PTPRR: variants seen among roughly 807,000 people sequenced by gnomAD.
The protein encoded by PTPRR is receptor-type tyrosine-protein phosphatase R.
A neutral mutation model predicts 77.2 loss-of-function variants in PTPRR; 38 were observed. The observed-to-expected ratio is 0.49, with a 90% CI of 0.38 to 0.65. The LOEUF is 0.65. Among genes scored for constraint, PTPRR ranks in the 30% least tolerant of loss-of-function variants. The pLI, the probability that PTPRR is intolerant of heterozygous loss-of-function variation, is 0.00. For synonymous variants in PTPRR, 299 were observed against 283.1 expected (o/e 1.06, Z -0.57); for missense variants, 744 against 799.2 (o/e 0.93, Z 0.83).
chr12:70,658,190 A>G (rs1051209733), intron 12 of PTPRR, among the ~76,000 whole-genome samples: 1 of 152,022 alleles, frequency 6.6e-6, no homozygotes, highest in African/African-American at 2.4e-5. Context: ...TGGTTTTCCA[A>G]TTTTTCTGTG....
At chr12:70,677,523 C>T (rs1386457957) in intron 10 of PTPRR, among the ~76,000 whole-genome samples, 1 of 152,128 alleles carries the variant, frequency 6.6e-6, no homozygotes, top group Non-Finnish European at 1.5e-5. Flanking sequence ...TTTCCACATT[C>T]AATATGATGT....
intron 2 of PTPRR, among the ~76,000 whole-genome samples, chr12:70,787,573 CT>C (rs1240327610): frequency 2.6e-5 from 4 of 151,426 alleles, no homozygotes; most frequent in Non-Finnish European, 4.4e-5. Context: ...ACTAAAAAAA[CT>C]TTCCTTTCCC....
intron 2 of PTPRR, among the ~76,000 whole-genome samples, chr12:70,840,237 C>T (rs754876907): frequency 1.3e-5 from 2 of 152,016 alleles, no homozygotes; most frequent in African/African-American, 2.4e-5. Flanking sequence ...TACAGGTTAT[C>T]GTGTTTCTTG....
chr12:70,845,589 G>C (rs1239221881), intron 2 of PTPRR, among the ~76,000 whole-genome samples: 2 of 151,896 alleles, frequency 1.3e-5, no homozygotes, highest in African/African-American at 2.4e-5. Flanking sequence ...CCAGCTCTCC[G>C]TATTTTTAAA....
chr12:70,846,142 A>G (rs1304902086), intron 2 of PTPRR, among the ~76,000 whole-genome samples: 1 of 152,224 alleles, frequency 6.6e-6, no homozygotes, highest in East Asian at 1.9e-4. Flanking sequence ...AAAGTAGAAA[A>G]CAAATTAGTT....
At position 70,833,423 on chromosome 12, in the gene PTPRR, G is replaced by A. The variant is rs74102021; in HGVS notation, c.357+59256C>T. Among the ~76,000 whole-genome samples, 1,481 of 152,222 alleles carry A rather than the reference G, an allele frequency of 9.7e-3. 26 individuals are homozygous for A. Among genetic ancestry groups the A allele is most frequent in the African/African-American group, 0.033 (1,384 of 41,532 alleles). ...TCAGTGTTTGATTAGTTTTGTGCTT[G>A]TTAGACAGCCAGGTGGGCTGGAGAA... On this transcript the variant is annotated intron_variant, in intron 2 of 13. Transcript: ENST00000283228.
chr12:70,897,014 G>A (rs1410747372), intron 1 of PTPRR, among the ~76,000 whole-genome samples: 1 of 151,820 alleles, frequency 6.6e-6, no homozygotes, highest in Admixed American at 6.6e-5. Flanking sequence ...GGTTACTGTA[G>A]CCTTGTAGTA....
chr12:70,733,323 C>T (rs1889727843), intron 6 of PTPRR, among the ~76,000 whole-genome samples: 1 of 149,514 alleles, frequency 6.7e-6, no homozygotes, highest in South Asian at 2.1e-4. Flanking sequence ...AAAGCTGTTT[C>T]ATCACTACAC....
chr12:70,714,306 G>A (rs1226467435), intron 6 of PTPRR, among the ~76,000 whole-genome samples: 1 of 151,892 alleles, frequency 6.6e-6, no homozygotes. Flanking sequence ...TTCAAATAAT[G>A]CAGAAGGAAG....
intron 2 of PTPRR, among the ~76,000 whole-genome samples, chr12:70,891,457 A>G (rs2137116028): frequency 6.6e-6 from 1 of 152,278 alleles, no homozygotes; most frequent in Admixed American, 6.5e-5. Flanking sequence ...TTTCACCTTC[A>G]GAACATCTGC....
At chr12:70,875,622 C>A (rs1893037844) in intron 2 of PTPRR, among the ~76,000 whole-genome samples, 1 of 146,426 alleles carries the variant, frequency 6.8e-6, no homozygotes, top group African/African-American at 2.5e-5. Context: ...GTAAGAATGA[C>A]TGGGATTTAT....
chr12:70,769,853 C>A (rs1194114926), intron 2 of PTPRR, among the ~76,000 whole-genome samples: 2 of 151,982 alleles, frequency 1.3e-5, no homozygotes, highest in East Asian at 1.9e-4. Context: ...AGAAATAACG[C>A]CGCATATCTA....
intron 4 of PTPRR, chr12:70,754,569 C>T (rs1890510656): frequency 1.9e-6 from 3 of 1,596,512 alleles, no homozygotes; most frequent in African/African-American, 2.7e-5. Flanking sequence ...CCCTCAGCGT[C>T]TCTCTTGGAA....
chr12:70,819,190 G>A (rs146983770), intron 2 of PTPRR, among the ~76,000 whole-genome samples: 58 of 152,254 alleles, frequency 3.8e-4, no homozygotes, highest in Middle Eastern at 3.4e-3. Context: ...GTGTGGTGGC[G>A]CATGCCTGTA....
rs1887967118 is a variant in PTPRR, at chr12:70,689,002, G to A, written c.1280-4219C>T. Among the ~76,000 whole-genome samples the A allele has an allele frequency of 1.4e-5, 2 of 138,082 alleles. 1 individual carries two copies. The highest frequency in any genetic ancestry group is 5.1e-4 in the South Asian group (2 of 3,886). The allele number at this position is 138,082 out of a possible 152,430, so 90.6% of individuals were successfully genotyped here. ...GTTGAACTCATAGAAATAGAGAGTA[G>A]AATGGTGGTTACCAAAGGCTAGGTG... On this transcript the variant is annotated intron_variant, in intron 8 of 13. Transcript: ENST00000283228.
intron 6 of PTPRR, among the ~76,000 whole-genome samples, chr12:70,713,444 A>G (rs1245375191): frequency 6.6e-6 from 1 of 152,150 alleles, no homozygotes; most frequent in Non-Finnish European, 1.5e-5. Context: ...TATGGTAACT[A>G]CATTTAACTT....
intron 1 of PTPRR, among the ~76,000 whole-genome samples, chr12:70,903,999 T>C (rs190311369): frequency 4.1e-4 from 63 of 151,960 alleles, no homozygotes; most frequent in African/African-American, 1.5e-3. Context: ...TATTAGCCAA[T>C]AGGAAAATGC....
chr12:70,705,132 T>A (rs1322992711), intron 6 of PTPRR, among the ~76,000 whole-genome samples: 1 of 152,062 alleles, frequency 6.6e-6, no homozygotes, highest in Non-Finnish European at 1.5e-5. Flanking sequence ...AAGGAAAATA[T>A]GTATAAATAT....
chr12:70,744,162 C>T (rs541118728), intron 6 of PTPRR, among the ~76,000 whole-genome samples: 1 of 152,024 alleles, frequency 6.6e-6, no homozygotes, highest in East Asian at 1.9e-4. Flanking sequence ...GCTAAAAAAT[C>T]AAGTTAAACC....
Sources: allele counts gnomAD v4.1 joint callset (sites outside exome capture counted in the v4.1 genomes callset), GRCh38; gene constraint gnomAD v4.1.1; transcripts MANE v1.5; gene names NCBI Gene and HGNC (gene_info 2026-07-23, HGNC 2026-07-21).